Variants in ACAD9 observed in about 807,000 individuals in gnomAD.
The protein encoded by ACAD9 is complex I assembly factor ACAD9, mitochondrial.
ACAD9 carries 53 observed loss-of-function variants against 70.2 expected under a neutral mutation model. The observed-to-expected ratio is 0.75, with a 90% CI of 0.61 to 0.95. The LOEUF is 0.95. Among genes scored for constraint, ACAD9 ranks in the 40% least tolerant of loss-of-function variants. The pLI is 0.00. For synonymous variants in ACAD9, 313 were observed against 312.1 expected (o/e 1.00, Z -0.03); for missense variants, 777 against 802.8 (o/e 0.97, Z 0.39).
At chr3:128,882,338 C>T (rs562441845) in intron 1 of ACAD9, among the ~76,000 whole-genome samples, 1 of 152,334 alleles carries the variant, frequency 6.6e-6, no homozygotes, top group East Asian at 1.9e-4. Context: ...CTCTGTTGTT[C>T]CACCTGTTCA....
chr3:128,898,749 C>T (rs1345568819), intron 6 of ACAD9, among the ~76,000 whole-genome samples: 1 of 152,152 alleles, frequency 6.6e-6, no homozygotes, highest in African/African-American at 2.4e-5. Flanking sequence ...TTGCCTCATA[C>T]CTTTTTTTGG....
rs138871762 is a variant in ACAD9, at chr3:128,910,132, C to A, written c.1675C>A (p.Arg559Ser). ...CAGCCGCTCCATCCGCATTGGGCTC[C>A]GCAACCACGACCACGAGGTGAGCCC... is the stretch of plus-strand genomic sequence containing the variant. ...RASRSIRIGL[R>S]NHDHEVLLAN... is the part of the protein sequence containing the mutation. Residue 559 changes from arginine to serine, a missense_variant, in exon 16 of 18, where the codon CGC becomes AGC. Coordinates refer to ENST00000308982, the MANE Select transcript of ACAD9 (RefSeq NM_014049.5). 430 of 1,614,056 alleles carry A rather than the reference C, an allele frequency of 2.7e-4. 2 individuals carry two copies. In the East Asian group the frequency reaches 8.7e-3, roughly 33 times the overall value.
At chr3:128,881,664 C>T (rs1316932008) in intron 1 of ACAD9, among the ~76,000 whole-genome samples, 1 of 152,168 alleles carries the variant, frequency 6.6e-6, no homozygotes, top group African/African-American at 2.4e-5. Context: ...GTTCTCAGAC[C>T]TCATCCTACT....
At chr3:128,907,243 CT>C (rs1235842723) in intron 12 of ACAD9, among the ~76,000 whole-genome samples, 1 of 152,152 alleles carries the variant, frequency 6.6e-6, no homozygotes, top group Non-Finnish European at 1.5e-5. Flanking sequence ...TCCTTGGCTG[CT>C]TTTGTTCCTG....
Position 128,897,613 on chromosome 3 carries a change from C to T in ACAD9, c.555-19C>T. ...TATTCCCAGTATTCTCCCTTGACCACATCTTTCTGCATCTGCAGTGGGAGC... is the reference window on the plus strand; with the variant it reads ...TATTCCCAGTATTCTCCCTTGACCATATCTTTCTGCATCTGCAGTGGGAGC... On this transcript the variant is annotated intron_variant, in intron 5 of 17. Transcript: ENST00000308982. 6.2e-7 allele frequency: 1 copy of T among 1,610,198 alleles called. No homozygotes were observed. The highest frequency in any genetic ancestry group is 8.5e-7 in the Non-Finnish European group (1 of 1,177,742).
intron 8 of ACAD9, 126 bp downstream of exon 8, chr3:128,901,475 A>G: frequency 9.1e-7 from 1 of 1,102,988 alleles, no homozygotes; most frequent in Non-Finnish European, 1.4e-6. Context: ...TTGCATGGTT[A>G]TCTGTTGGGA....
chr3:128,897,848 G>T (rs1353352954), intron 6 of ACAD9, 138 bp downstream of exon 6: 5 of 845,634 alleles, frequency 5.9e-6, no homozygotes, highest in Non-Finnish European at 9.6e-6. Flanking sequence ...TTATGTGTTT[G>T]TTTTTAATTT....
rs1156627667 is a variant in ACAD9 at position 128,879,624 on chromosome 3, G to C, written c.-68G>C. 1 of 1,514,936 alleles carries C rather than the reference G, an allele frequency of 6.6e-7. No homozygotes were observed. The highest frequency in any genetic ancestry group is 1.9e-5 in the African/African-American group (1 of 52,278). 93.8% of individuals were successfully genotyped at this position (1,514,936 alleles called of 1,614,324 possible). On this transcript the variant is annotated 5_prime_UTR_variant, in exon 1 of 18. Transcript: ENST00000308982. ...TTGTCGCGGGCCAGTAACGTCATCA[G>C]ACGTGTGTGTGTCCCTGCGGCGCTA...
chr3:128,904,372 T>C lies in ACAD9; in HGVS notation c.1030-14T>C. 6.2e-7 allele frequency: 1 copy of C among 1,614,246 alleles called. No individual in the cohort carries two copies. Among genetic ancestry groups the C allele is most frequent in the Non-Finnish European group, 8.5e-7 (1 of 1,180,034 alleles). ...CATGCAAATTGTTTCTTGTGTTTTT[T>C]CTGAACACTCCAGGAGAAATTTGCA... On this transcript the variant is annotated splice_polypyrimidine_tract_variant and intron_variant, in intron 10 of 17. Transcript: ENST00000308982.
intron 2 of ACAD9, among the ~76,000 whole-genome samples, chr3:128,886,232 A>G (rs192983973): frequency 1.3e-5 from 2 of 150,780 alleles, no homozygotes; most frequent in Non-Finnish European, 3.0e-5. Context: ...CCTCCCAAGT[A>G]TCTGGGACTG....
intron 2 of ACAD9, among the ~76,000 whole-genome samples, chr3:128,890,728 G>T (rs542786084): frequency 2.6e-5 from 4 of 152,072 alleles, no homozygotes; most frequent in South Asian, 4.2e-4. Context: ...TTTTAATTCA[G>T]GTTTAGAACT....
At position 128,912,515 on chromosome 3, in the gene ACAD9, G is replaced by GA; in HGVS notation, c.1778dup (p.Asn593LysfsTer4). 6.2e-7 allele frequency: 1 copy of GA among 1,613,652 alleles called. No homozygotes were observed. ...CTCCTTTTCCTTCCCAGATGCTCCA[G>GA]AAAACCTAGATGAGCAGATTAAGAA... is the stretch of plus-strand genomic sequence containing the variant. On this transcript the variant is annotated frameshift_variant, in exon 18 of 18. Transcript: ENST00000308982. LOFTEE classifies it high-confidence loss of function.
chr3:128,895,494 T>G, intron 4 of ACAD9, 78 bp downstream of exon 4: 1 of 1,353,724 alleles, frequency 7.4e-7, no homozygotes. Context: ...GCCAGAGGCT[T>G]GCTCCCTCTG....
chr3:128,909,782 G>T, intron 15 of ACAD9: 1 of 632,878 alleles, frequency 1.6e-6, no homozygotes, highest in East Asian at 2.8e-5. Flanking sequence ...TCTGGTCTCA[G>T]CCAAGCTTCT....
At position 128,899,476 on chromosome 3, in the gene ACAD9, T is replaced by G. The variant is rs563177913; in HGVS notation, c.808+15T>G. Reference sequence around the variant, plus strand: ...GGGCTCCAACAGTAAGTAGCTCCTGTGCGCGCGTGCGCGTGTGTGTGTGTA... The same window carrying G: ...GGGCTCCAACAGTAAGTAGCTCCTGGGCGCGCGTGCGCGTGTGTGTGTGTA... On this transcript the variant is annotated intron_variant, in intron 7 of 17. Transcript: ENST00000308982. 8.1e-6 allele frequency: 13 copies of G among 1,612,786 alleles called. No homozygotes were observed. The South Asian group carries it at 1.4e-4, about 18-fold the overall frequency.
intron 2 of ACAD9, among the ~76,000 whole-genome samples, chr3:128,889,183 A>C (rs1312027959): frequency 2.0e-5 from 3 of 151,980 alleles, no homozygotes; most frequent in African/African-American, 7.2e-5. Flanking sequence ...AAAAAAACAA[A>C]AAATATTTAA....
At position 128,879,804 on chromosome 3, in the gene ACAD9, C is replaced by T; in HGVS notation, c.113C>T (p.Ala38Val). 1 of 1,614,092 alleles carries T rather than the reference C, an allele frequency of 6.2e-7. No individual in the cohort carries two copies. Among genetic ancestry groups the T allele is most frequent in the Non-Finnish European group, 8.5e-7 (1 of 1,180,030 alleles). Residue 38 changes from alanine to valine, a missense_variant, in exon 1 of 18, where the codon GCT becomes GTT. Physicochemically the swap from Ala to Val is moderately conservative, Grantham distance 64 (BLOSUM62 0). Coordinates refer to ENST00000308982, the MANE Select transcript of ACAD9 (RefSeq NM_014049.5). The part of the protein sequence containing the change: ...RLLRTSPPVR[A>V]FAKELFLGKI... ...CTGCGCACCAGCCCGCCTGTACGAG[C>T]TTTCGCCAAAGAGCTTTTCCTAGGC...
chr3:128,899,444 G>A lies in ACAD9; in HGVS notation c.791G>A (p.Gly264Asp), dbSNP rs1576340774. The A allele has an allele frequency of 6.2e-7, 1 of 1,614,058 alleles. No homozygotes were observed. The highest frequency in any genetic ancestry group is 1.3e-5 in the African/African-American group (1 of 75,032). Residue 264 changes from glycine (G) to aspartate (D), a missense_variant, in exon 7 of 18, where the codon GGC (glycine) becomes GAC (aspartate). Physicochemically the swap from Gly to Asp is moderately conservative, Grantham distance 94. Coordinates refer to ENST00000308982, the MANE Select transcript of ACAD9 (RefSeq NM_014049.5). ...AATGGGAAACCCGAAGATAAATTAGGCATTCGGGGCTCCAACAGTAAGTAG... is the reference window on the plus strand; with the variant it reads ...AATGGGAAACCCGAAGATAAATTAGACATTCGGGGCTCCAACAGTAAGTAG... ...VTNGKPEDKLGIRGSNTCEVH... is the reference protein window; with the variant it reads ...VTNGKPEDKLDIRGSNTCEVH...
chr3:128,890,110 A>G (rs957458495), intron 2 of ACAD9, among the ~76,000 whole-genome samples: 3 of 151,510 alleles, frequency 2.0e-5, no homozygotes, highest in Non-Finnish European at 4.4e-5. Flanking sequence ...ACAGGTATGA[A>G]CCACTGCGCC....
Sources: gnomAD v4.1 joint callset for allele counts (sites outside exome capture counted in the v4.1 genomes callset) on GRCh38, gnomAD v4.1.1 for gene constraint, MANE v1.5 for transcripts, NCBI Gene and HGNC (gene_info 2026-07-23, HGNC 2026-07-21) for gene names.